Variants in BCAS3 observed in about 807,000 individuals in gnomAD.
BCAS3 encodes BCAS3 microtubule associated cell migration factor.
BCAS3 carries 53 observed loss-of-function variants against 116.1 expected under a neutral mutation model. The observed-to-expected ratio is 0.46, with a 90% confidence interval of 0.37 to 0.57. The LOEUF (loss-of-function observed/expected upper bound fraction) is 0.57. BCAS3 is among the 20% of genes least tolerant of loss of function. The pLI is 0.00. For missense variants in BCAS3, 917 were observed against 1,165.4 expected (o/e 0.79, Z 3.10); for synonymous variants, 391 against 408.2 (o/e 0.96, Z 0.51).
intron 14 of BCAS3, among the ~76,000 whole-genome samples, chr17:60,977,910 A>G (rs1022036041): frequency 6.9e-6 from 1 of 144,450 alleles, no homozygotes; most frequent in African/African-American, 2.9e-5. Context: ...ATTGTTGGAC[A>G]TTTGGGTTGG....
chr17:60,798,776 G>T lies in BCAS3; in HGVS notation c.404-9228G>T, dbSNP rs185549995. On this transcript the variant is annotated intron_variant, in intron 6 of 23. Transcript: ENST00000407086. ...GAAACTGCCAAACTCCTCCAATGGG[G>T]CTGTGCTCTTTGGCATTCCCATTAG... is the stretch of plus-strand genomic sequence containing the variant. 6.8e-4 allele frequency among the ~76,000 whole-genome samples: 104 copies of T among 152,308 alleles called. 1 individual carries two copies. The highest frequency in any genetic ancestry group is 2.2e-3 in the African/African-American group (90 of 41,572).
At position 61,028,016 on chromosome 17, in the gene BCAS3, A is replaced by G. The variant is rs1191900251; in HGVS notation, c.1638-6650A>G. On this transcript the variant is annotated intron_variant, in intron 16 of 23. Transcript: ENST00000407086. This position sits in a 1 kb window ranked among gnomAD's most constrained non-coding sequence, Gnocchi z 4.3. ...CTATATTAATTTTATTAATTTAGTC[A>G]GAATACTGAAAAGAGTTCTGCACAT... Among the ~76,000 whole-genome samples, 1 of 151,926 alleles carries G rather than the reference A, an allele frequency of 6.6e-6. No individual in the cohort carries two copies. Among genetic ancestry groups the G allele is most frequent in the African/African-American group, 2.4e-5 (1 of 41,426 alleles).
chr17:61,247,093 A>C (rs2048031816), intron 22 of BCAS3, among the ~76,000 whole-genome samples: 1 of 152,114 alleles, frequency 6.6e-6, no homozygotes. Flanking sequence ...TCTGACATTC[A>C]TCATTCCATG....
At chr17:61,345,699 G>A (rs919704176) in intron 22 of BCAS3, among the ~76,000 whole-genome samples, 1 of 152,222 alleles carries the variant, frequency 6.6e-6, no homozygotes, top group East Asian at 1.9e-4. Flanking sequence ...CAGAGGTGGG[G>A]ACTTTACGGT....
At position 60,684,049 on chromosome 17, in the gene BCAS3, A is replaced by G. The variant is rs999768610; in HGVS notation, c.138+13A>G. On this transcript the variant is annotated intron_variant, in intron 3 of 23. Transcript: ENST00000407086. ...TGTTGTGCCACAGGTAAGTGTCTAT[A>G]TGTGCTTTCGCCTTTCCCTTTGGTC... 2 of 1,612,728 alleles carry G rather than the reference A, an allele frequency of 1.2e-6. No homozygotes were observed. The highest frequency in any genetic ancestry group is 1.7e-6 in the Non-Finnish European group (2 of 1,179,042).
At chr17:60,810,263 C>T in intron 7 of BCAS3, 1 of 444,274 alleles carries the variant, frequency 2.3e-6, no homozygotes, top group Non-Finnish European at 4.4e-6. Context: ...AGCAGTGTGG[C>T]CAGTGTCTGT....
chr17:61,272,636 C>CAAAAAAAAAAAAA (rs373837874), intron 22 of BCAS3, among the ~76,000 whole-genome samples: 4 of 47,378 alleles, frequency 8.4e-5, no homozygotes, highest in Non-Finnish European at 7.7e-5. Flanking sequence ...AACCCTGTCT[C>CAAAAAAAAAAAAA]AAAAAAAAAA....
chr17:61,383,651 G>A (rs1046578846), intron 23 of BCAS3: 1 of 152,280 alleles, frequency 6.6e-6, no homozygotes, highest in African/African-American at 2.4e-5. Context: ...ACAGGCCTTT[G>A]CCTTTGCAGA....
rs529160046 is a variant in BCAS3 at position 61,188,016 on chromosome 17, CT to C, written c.2425+103457del. Among the ~76,000 whole-genome samples the C allele has an allele frequency of 6.6e-6, 1 of 152,238 alleles. No individual in the cohort carries two copies. Among genetic ancestry groups the C allele is most frequent in the African/African-American group, 2.4e-5 (1 of 41,538 alleles). On this transcript the variant is annotated intron_variant, in intron 22 of 23. Coordinates refer to ENST00000407086, the MANE Select transcript of BCAS3 (RefSeq NM_017679.5). This position sits in a 1 kb window ranked among gnomAD's most constrained non-coding sequence, Gnocchi z 4.0. The stretch of plus-strand genomic sequence containing the variant: ...ATCCTAGTCCTCAAAACAATGTTAA[CT>C]TTTTCTAAAATTTAAAAATGTTCCT...
chr17:60,792,899 A>G (rs2046900911), intron 6 of BCAS3, among the ~76,000 whole-genome samples: 1 of 152,148 alleles, frequency 6.6e-6, no homozygotes, highest in South Asian at 2.1e-4. Flanking sequence ...TAAAACAATG[A>G]GTGTGACTGC....
At chr17:61,317,614 CA>C (rs1343967930) in intron 22 of BCAS3, among the ~76,000 whole-genome samples, 2 of 152,308 alleles carry the variant, frequency 1.3e-5, no homozygotes, top group African/African-American at 2.4e-5. Context: ...GTAGCACCAT[CA>C]GGGGCAACTG....
At chr17:60,983,410 C>T (rs952640652) in intron 14 of BCAS3, among the ~76,000 whole-genome samples, 1 of 151,956 alleles carries the variant, frequency 6.6e-6, no homozygotes, top group African/African-American at 2.4e-5. Flanking sequence ...TATTTTACAT[C>T]TTGTGGATAG....
intron 22 of BCAS3, among the ~76,000 whole-genome samples, chr17:61,319,903 T>A (rs1001992699): frequency 2.5e-4 from 38 of 150,874 alleles, no homozygotes; most frequent in Admixed American, 5.3e-4. Flanking sequence ...TTTATTTTTT[T>A]TTTTTGAGAT....
intron 3 of BCAS3, among the ~76,000 whole-genome samples, chr17:60,686,422 C>G (rs909173110): frequency 1.3e-5 from 2 of 148,846 alleles, no homozygotes; most frequent in African/African-American, 5.2e-5. Flanking sequence ...GTAGCAGCTT[C>G]TTTAGTTATC....
At chr17:61,109,184 C>CA (rs4011679) in intron 22 of BCAS3, among the ~76,000 whole-genome samples, 1,933 of 57,228 alleles carry the variant, frequency 0.034, 20 homozygotes, top group Middle Eastern at 0.062. Context: ...GACTTTGTCT[C>CA]AAAAAAAAAA....
chr17:61,317,867 T>G (rs1425077952), intron 22 of BCAS3, among the ~76,000 whole-genome samples: 1 of 152,172 alleles, frequency 6.6e-6, no homozygotes, highest in Non-Finnish European at 1.5e-5. Flanking sequence ...GGAGGCCTGA[T>G]GTGGAATCTC....
Position 61,227,044 on chromosome 17 carries a change from A to G in BCAS3, c.2426-141283A>G, listed in dbSNP as rs148415095. Among the ~76,000 whole-genome samples the G allele has an allele frequency of 1.2e-4, 18 of 152,286 alleles. No individual in the cohort carries two copies. The highest frequency in any genetic ancestry group is 7.2e-4 in the Admixed American group (11 of 15,292). On this transcript the variant is annotated intron_variant, in intron 22 of 23. Coordinates refer to ENST00000407086, the MANE Select transcript of BCAS3 (RefSeq NM_017679.5). This position sits in a 1 kb window ranked among gnomAD's most constrained non-coding sequence, Gnocchi z 6.1. ...GGAGAGGAGTTCCAGGTTGGGGTGT[A>G]TGAGGTGGTTAACTGTGTGCAACGC... is the stretch of plus-strand genomic sequence containing the variant.
intron 22 of BCAS3, among the ~76,000 whole-genome samples, chr17:61,341,399 T>G (rs1432731193): frequency 6.6e-6 from 1 of 152,134 alleles, no homozygotes; most frequent in Non-Finnish European, 1.5e-5. Context: ...CAGTTTAGAA[T>G]TTACAGAGAG....
At chr17:61,298,356 TC>T (rs1249325998) in intron 22 of BCAS3, among the ~76,000 whole-genome samples, 4 of 151,606 alleles carry the variant, frequency 2.6e-5, no homozygotes, top group South Asian at 2.1e-4. Context: ...AAATCAGCTG[TC>T]CCCCCAGGCC....
Sources: gnomAD v4.1 joint callset for allele counts (sites outside exome capture counted in the v4.1 genomes callset) on GRCh38, gnomAD v4.1.1 for gene constraint, Gnocchi (gnomAD v3.1) non-coding constraint, MANE v1.5 for transcripts, NCBI Gene and HGNC (gene_info 2026-07-23, HGNC 2026-07-21) for gene names.